ANK2: variants seen among roughly 807,000 people sequenced by gnomAD.
ANK2 encodes ankyrin 2.
In ANK2, 83 loss-of-function variants were observed where a neutral mutation model predicts 360.5. The observed-to-expected ratio is 0.23, with a 90% CI of 0.19 to 0.28. The LOEUF is 0.28. Ranked by LOEUF, ANK2 falls within the 10% of genes least tolerant of loss-of-function variation. The pLI is 1.00. For missense variants in ANK2, 4,201 were observed against 4,795.7 expected (o/e 0.88, Z 3.66); for synonymous variants, 1,740 against 1,759.5 (o/e 0.99, Z 0.28).
At chr4:113,331,361 T>C (rs571188198) in intron 27 of ANK2, among the ~76,000 whole-genome samples, 2 of 152,322 alleles carry the variant, frequency 1.3e-5, no homozygotes, top group Non-Finnish European at 2.9e-5. Context: ...TGGACCAAAC[T>C]ATTAGCAGAT....
intron 26 of ANK2, among the ~76,000 whole-genome samples, chr4:113,321,047 G>A (rs956270777): frequency 4.6e-5 from 7 of 152,164 alleles, no homozygotes; most frequent in African/African-American, 9.7e-5. Flanking sequence ...GAGAAACATC[G>A]TGGTTAATAG....
intron 1 of ANK2, among the ~76,000 whole-genome samples, chr4:112,900,472 A>G (rs1439123577): frequency 6.6e-6 from 1 of 152,124 alleles, no homozygotes; most frequent in African/African-American, 2.4e-5. Flanking sequence ...TATGTCAAAG[A>G]TGGTAAGTGA....
chr4:112,903,149 T>C (rs2084004838), intron 1 of ANK2, among the ~76,000 whole-genome samples: 1 of 152,190 alleles, frequency 6.6e-6, no homozygotes, highest in Non-Finnish European at 1.5e-5. Flanking sequence ...CATATAGTAT[T>C]GGGCCCCACT....
intron 2 of ANK2, among the ~76,000 whole-genome samples, chr4:112,933,891 C>T (rs1476209709): frequency 6.6e-6 from 1 of 151,228 alleles, no homozygotes; most frequent in Non-Finnish European, 1.5e-5. Flanking sequence ...ACATAATCAC[C>T]TAACCTTGTG....
At chr4:113,348,586 TAGTC>T (rs1042380458) in intron 36 of ANK2, among the ~76,000 whole-genome samples, 2 of 152,200 alleles carry the variant, frequency 1.3e-5, no homozygotes, top group Non-Finnish European at 2.9e-5. Context: ...CAGGGGTTCT[TAGTC>T]AGAAGACATC....
intron 29 of ANK2, 27 bp downstream of exon 29, chr4:113,333,235 G>C (rs2153944085): frequency 1.2e-6 from 2 of 1,613,474 alleles, no homozygotes; most frequent in Non-Finnish European, 8.5e-7. Context: ...CGTTTTAAAA[G>C]AAATCTAAAC....
chr4:113,067,085 A>G (rs754496429), intron 1 of ANK2, among the ~76,000 whole-genome samples: 3 of 152,144 alleles, frequency 2.0e-5, no homozygotes, highest in East Asian at 1.9e-4. Flanking sequence ...ACTTTATGCT[A>G]TGTAGCCAGA....
Position 113,355,937 on chromosome 4 carries a change from G to A in ANK2, c.7319G>A (p.Ser2440Asn). ...AVSHKDSLEA[S>N]PVLEDNSSHK... Reference sequence around the variant, plus strand: ...AGCCACAAAGACTCTCTGGAAGCCAGCCCTGTGCTAGAAGATAACTCTTCA... The same window carrying A: ...AGCCACAAAGACTCTCTGGAAGCCAACCCTGTGCTAGAAGATAACTCTTCA... The change falls in exon 38 of 46, where the codon AGC becomes AAC. Residue 2440 changes from serine to asparagine, a missense_variant. Physicochemically the swap from Ser to Asn is conservative, Grantham distance 46. This residue lies in a region of ANK2 where 2,642 missense variants were observed against 2,714.5 expected (regional missense o/e 0.97). Transcript: ENST00000357077. The A allele has an allele frequency of 6.2e-7, 1 of 1,614,128 alleles. No individual in the cohort carries two copies. Among genetic ancestry groups the A allele is most frequent in the Non-Finnish European group, 8.5e-7 (1 of 1,179,988 alleles).
chr4:112,739,758 T>G, the ANK2 span, among the ~76,000 whole-genome samples: 1 of 152,220 alleles, frequency 6.6e-6, no homozygotes, highest in Non-Finnish European at 1.5e-5. Context: ...CTCTTAGCTT[T>G]GTCAGTGTAG....
At chr4:113,184,853 C>T (rs1449910767) in intron 2 of ANK2, among the ~76,000 whole-genome samples, 1 of 152,074 alleles carries the variant, frequency 6.6e-6, no homozygotes, top group Admixed American at 6.6e-5. Flanking sequence ...TGCTGTCCCT[C>T]CCCTAGCCTC....
At chr4:112,884,679 A>G (rs2077750028) in intron 1 of ANK2, among the ~76,000 whole-genome samples, 1 of 152,090 alleles carries the variant, frequency 6.6e-6, no homozygotes, top group Non-Finnish European at 1.5e-5. Flanking sequence ...AGCTGCTTTT[A>G]GTGTCACAGA....
intron 4 of ANK2, among the ~76,000 whole-genome samples, chr4:113,222,769 T>G (rs2099166068): frequency 6.6e-6 from 1 of 152,222 alleles, no homozygotes; most frequent in Non-Finnish European, 1.5e-5. Flanking sequence ...CATTAGTCAT[T>G]TTAATGTCAT....
chr4:112,782,665 G>C, the ANK2 span, among the ~76,000 whole-genome samples: 1 of 151,908 alleles, frequency 6.6e-6, no homozygotes, highest in African/African-American at 2.4e-5. Context: ...TCAGGAGTTT[G>C]AGATCAGTCT....
At chr4:112,786,438 C>A in the ANK2 span, among the ~76,000 whole-genome samples, 1 of 148,712 alleles carries the variant, frequency 6.7e-6, no homozygotes, top group South Asian at 2.1e-4. Flanking sequence ...TGCTTTGTCG[C>A]CCAGGCTGGA....
Position 112,963,297 on chromosome 4 carries a change from T to C in ANK2, c.21+58783T>C, listed in dbSNP as rs566690956. 2.6e-5 allele frequency among the ~76,000 whole-genome samples: 4 copies of C among 152,296 alleles called. No homozygotes were observed. The South Asian group carries it at 8.3e-4, about 32-fold the overall frequency. ...TGATGATACTAAAGCCATTTACACC[T>C]TTAGAGCTTAATAATGTACAAGGCA... is the stretch of plus-strand genomic sequence containing the variant. On this transcript the variant is annotated intron_variant, in intron 2 of 30. Transcript: ENST00000503271.
intron 2 of ANK2, among the ~76,000 whole-genome samples, chr4:112,981,849 A>G (rs1022526573): frequency 6.6e-6 from 1 of 152,210 alleles, no homozygotes; most frequent in African/African-American, 2.4e-5. Context: ...CCAAATTCCA[A>G]GATTGTGTGG....
At chr4:113,255,710 T>C in intron 10 of ANK2, 25 bp from the exon 11 acceptor site, 1 of 1,611,458 alleles carries the variant, frequency 6.2e-7, no homozygotes, top group Non-Finnish European at 8.5e-7. Context: ...AAAAGGACAT[T>C]ATTTTGTTTT....
intron 2 of ANK2, among the ~76,000 whole-genome samples, chr4:112,946,273 C>A (rs769695930): frequency 3.9e-5 from 6 of 152,054 alleles, no homozygotes; most frequent in Non-Finnish European, 5.9e-5. Flanking sequence ...CCCATGCCTG[C>A]CTGTGGTGGG....
chr4:112,775,415 A>C, the ANK2 span, among the ~76,000 whole-genome samples: 233 of 151,662 alleles, frequency 1.5e-3, 8 homozygotes, highest in South Asian at 0.047. Context: ...GATACTTGGG[A>C]GGCTGAGACA....
Sources: allele counts gnomAD v4.1 joint callset (sites outside exome capture counted in the v4.1 genomes callset), GRCh38; gene constraint gnomAD v4.1.1; regional missense constraint gnomAD v4.1.1; transcripts MANE v1.5; gene names NCBI Gene and HGNC (gene_info 2026-07-23, HGNC 2026-07-21).